Variants in ACSM3 observed in about 807,000 individuals in gnomAD.
ACSM3 encodes the protein acyl-CoA synthetase medium chain family member 3.
A neutral mutation model predicts 74.1 loss-of-function variants in ACSM3; 61 were observed. The observed-to-expected ratio is 0.82, with a 90% CI of 0.67 to 1.02. The LOEUF is 1.02. Ranked by LOEUF, ACSM3 falls within the 50% of genes least tolerant of loss-of-function variation. ACSM3 has a pLI of 0.00. For synonymous variants in ACSM3, 213 were observed against 241.5 expected (o/e 0.88, Z 1.09); for missense variants, 660 against 697.0 (o/e 0.95, Z 0.60).
intron 1 of ACSM3, chr16:20,719,446 C>A (rs1335845459): frequency 1.8e-5 from 4 of 222,924 alleles, no homozygotes; most frequent in South Asian, 8.6e-5. Flanking sequence ...CATAAAATCA[C>A]AAAGAAATGA....
intron 1 of ACSM3, chr16:20,729,356 G>A: frequency 1.4e-6 from 2 of 1,437,816 alleles, no homozygotes; most frequent in South Asian, 1.1e-5. Context: ...TATTTCCTCT[G>A]GGTTTGTAGA....
chr16:20,692,698 G>A (rs2079665554), intron 1 of ACSM3, among the ~76,000 whole-genome samples: 1 of 152,144 alleles, frequency 6.6e-6, no homozygotes, highest in African/African-American at 2.4e-5. Context: ...CAATTTCAAG[G>A]TATGGCAAGG....
intron 1 of ACSM3, among the ~76,000 whole-genome samples, chr16:20,722,623 T>A (rs1191445891): frequency 6.6e-6 from 1 of 152,218 alleles, no homozygotes; most frequent in Admixed American, 6.5e-5. Context: ...GTGGAAAGGT[T>A]CCAGTAGTTT....
chr16:20,773,808 C>G (rs771297370), intron 2 of ACSM3, among the ~76,000 whole-genome samples: 7 of 152,142 alleles, frequency 4.6e-5, no homozygotes, highest in Non-Finnish European at 7.3e-5. Context: ...GTGCCATGTG[C>G]TGATGAGAAG....
At chr16:20,700,049 C>T (rs1043327247) in intron 1 of ACSM3, among the ~76,000 whole-genome samples, 1 of 152,184 alleles carries the variant, frequency 6.6e-6, no homozygotes, top group African/African-American at 2.4e-5. Context: ...CTCTCTTCCC[C>T]TGATTCAATG....
At chr16:20,707,270 G>A (rs1249287016) in intron 1 of ACSM3, among the ~76,000 whole-genome samples, 3 of 152,142 alleles carry the variant, frequency 2.0e-5, no homozygotes, top group Non-Finnish European at 2.9e-5. Flanking sequence ...GGGACCCACT[G>A]TGAGACATGC....
rs1386800539 is a variant in ACSM3, at chr16:20,796,464, C to G, written c.1649C>G (p.Thr550Arg). 1 of 1,613,384 alleles carries G rather than the reference C, an allele frequency of 6.2e-7. No individual in the cohort carries two copies. Among genetic ancestry groups the G allele is most frequent in the Non-Finnish European group, 8.5e-7 (1 of 1,179,862 alleles). Residue 550 changes from threonine (T) to arginine (R), a missense_variant, in exon 13 of 14, where the codon ACA becomes AGA. By Grantham distance (71) the Thr-to-Arg change is moderately conservative. Coordinates refer to ENST00000289416, the MANE Select transcript of ACSM3 (RefSeq NM_005622.4). ...ATTCAGGAGCATGTTAAAAAAACTA[C>G]AGCACCTTACAAATATCCCAGAAAG... ...KEIQEHVKKTTAPYKYPRKVE... is the reference protein window; with the variant it reads ...KEIQEHVKKTRAPYKYPRKVE...
At chr16:20,796,280 G>C (rs1049544440) in intron 12 of ACSM3, 90 bp from the exon 13 acceptor site, 9 of 1,539,188 alleles carry the variant, frequency 5.8e-6, no homozygotes, top group Non-Finnish European at 7.8e-6. Context: ...ACCCCACCAG[G>C]CATGTAGATT....
At chr16:20,718,268 C>G (rs548942862) in intron 1 of ACSM3, 8 of 314,926 alleles carry the variant, frequency 2.5e-5, no homozygotes, top group African/African-American at 1.1e-4. Context: ...AACAAGAGGG[C>G]ATAAGTAGCT....
chr16:20,775,946 T>C lies in ACSM3; in HGVS notation c.327T>C (p.Asn109=), dbSNP rs373028000. The C allele has an allele frequency of 4.3e-6, 7 of 1,614,166 alleles. No homozygotes were observed. The change falls in exon 3 of 14, where the codon AAT becomes AAC. Residue 109 remains asparagine (N), a synonymous_variant. Coordinates refer to ENST00000289416, the MANE Select transcript of ACSM3 (RefSeq NM_005622.4). ...ELGSLSRKFA[N]ILSEACSLQR... is the part of the protein sequence containing the mutation. Reference sequence around the variant, plus strand: ...GATCTCTGTCCAGAAAATTTGCCAATATACTTTCAGAAGCCTGTTCCCTAC... The same window carrying C: ...GATCTCTGTCCAGAAAATTTGCCAACATACTTTCAGAAGCCTGTTCCCTAC...
At chr16:20,728,338 A>T (rs1343027680) in intron 1 of ACSM3, 2 of 1,044,000 alleles carry the variant, frequency 1.9e-6, no homozygotes, top group Non-Finnish European at 2.8e-6. Flanking sequence ...ACCTGCTTTC[A>T]TTTTGTGAAA....
intron 1 of ACSM3, chr16:20,718,417 AGTGG>A (rs2079773207): frequency 2.5e-6 from 2 of 804,118 alleles, no homozygotes; most frequent in Non-Finnish European, 3.5e-6. Context: ...TTATTTCACC[AGTGG>A]GACGACAGGC....
intron 1 of ACSM3, among the ~76,000 whole-genome samples, chr16:20,692,885 C>T (rs1567316604): frequency 6.6e-6 from 1 of 152,046 alleles, no homozygotes; most frequent in Admixed American, 6.6e-5. Flanking sequence ...AAAATTAGAG[C>T]TTAGGCCAGG....
At chr16:20,765,711 C>T (rs546732311) in intron 1 of ACSM3, among the ~76,000 whole-genome samples, 11 of 152,152 alleles carry the variant, frequency 7.2e-5, no homozygotes, top group South Asian at 4.1e-4. Context: ...AATAAATACA[C>T]GGGTAATGAA....
Position 20,797,120 on chromosome 16 carries a change from G to T in ACSM3, c.*148G>T. On this transcript the variant is annotated 3_prime_UTR_variant, in exon 14 of 14. Transcript: ENST00000289416. Reference sequence around the variant, plus strand: ...ATATCTTGTGGTTATGATATCAGAGGCTAAATTTTGAAATAAAATATTTGG... The same window carrying T: ...ATATCTTGTGGTTATGATATCAGAGTCTAAATTTTGAAATAAAATATTTGG... 1 of 1,367,582 alleles carries T rather than the reference G, an allele frequency of 7.3e-7. No homozygotes were observed. Among genetic ancestry groups the T allele is most frequent in the Non-Finnish European group, 9.4e-7 (1 of 1,062,012 alleles). The allele number at this position is 1,367,582 out of a possible 1,614,324, so 84.7% of individuals were successfully genotyped here.
chr16:20,782,128 T>C (rs2080364959), intron 7 of ACSM3, among the ~76,000 whole-genome samples: 1 of 152,214 alleles, frequency 6.6e-6, no homozygotes, highest in Non-Finnish European at 1.5e-5. Context: ...TCCCAGCAGA[T>C]AGAAAAGAGG....
intron 1 of ACSM3, among the ~76,000 whole-genome samples, chr16:20,692,227 A>G (rs1291580698): frequency 6.6e-6 from 1 of 152,226 alleles, no homozygotes; most frequent in African/African-American, 2.4e-5. Context: ...CCCGTGACAC[A>G]GCCCTCAGGA....
chr16:20,694,957 C>A (rs747157041), intron 1 of ACSM3, among the ~76,000 whole-genome samples: 2 of 152,166 alleles, frequency 1.3e-5, no homozygotes, highest in African/African-American at 2.4e-5. Flanking sequence ...TGATCTTGGA[C>A]CTCCAGCCTT....
At chr16:20,697,020 C>T (rs1373473006) in intron 1 of ACSM3, among the ~76,000 whole-genome samples, 1 of 152,156 alleles carries the variant, frequency 6.6e-6, no homozygotes, top group Non-Finnish European at 1.5e-5. Flanking sequence ...ACGGTAAGGA[C>T]TCAATAAATG....
Sources: allele counts gnomAD v4.1 joint callset (sites outside exome capture counted in the v4.1 genomes callset), GRCh38; gene constraint gnomAD v4.1.1; transcripts MANE v1.5; gene names NCBI Gene and HGNC (gene_info 2026-07-23, HGNC 2026-07-21).